Variants in SUCLG2 observed in about 807,000 individuals in gnomAD.
SUCLG2 encodes succinate-CoA ligase GDP-forming subunit beta, also known as succinate--CoA ligase [GDP-forming] subunit beta, mitochondrial.
A neutral mutation model predicts 47.9 loss-of-function variants in SUCLG2; 42 were observed. That is an observed-to-expected ratio of 0.88 (90% CI 0.69 to 1.14). The LOEUF is 1.14. SUCLG2 is among the 50% of genes most tolerant of loss of function. The pLI is 0.00. For missense variants in SUCLG2, 571 were observed against 525.9 expected (o/e 1.09, Z -0.84); for synonymous variants, 195 against 197.3 (o/e 0.99, Z 0.10).
chr3:67,390,320 TA>T (rs1702352803), intron 10 of SUCLG2, among the ~76,000 whole-genome samples: 1 of 152,186 alleles, frequency 6.6e-6, no homozygotes, highest in Admixed American at 6.5e-5. Context: ...CACAATGTAT[TA>T]AAAATATCCT....
chr3:67,471,827 T>C (rs1248364078), intron 9 of SUCLG2, among the ~76,000 whole-genome samples: 3 of 152,166 alleles, frequency 2.0e-5, no homozygotes, highest in Non-Finnish European at 2.9e-5. Context: ...TATGCTTTCA[T>C]GGAGCAAACC....
chr3:67,534,800 ATGCC>A (rs1706497491), intron 2 of SUCLG2, among the ~76,000 whole-genome samples: 1 of 138,370 alleles, frequency 7.2e-6, no homozygotes, highest in Non-Finnish European at 1.5e-5. Context: ...AAAAAAAAAA[ATGCC>A]CATGTGACAT....
rs373409959 is a variant in SUCLG2, at chr3:67,609,532, G to C, written c.149C>G (p.Ser50Cys). Residue 50 changes from serine to cysteine, a missense_variant, in exon 2 of 11, where the codon TCT becomes TGT. Ser to Cys is a moderately radical substitution (Grantham distance 112, BLOSUM62 -1). Transcript: ENST00000307227. ...LQEYQSKKLM[S>C]DNGVRVQRFF... The stretch of plus-strand genomic sequence containing the variant: ...TCTTTGAACTCTCACTCCGTTGTCA[G>C]ACATCAGTTTCTTGCTCTGGTATTC... 1 of 1,613,796 alleles carries C rather than the reference G, an allele frequency of 6.2e-7. No individual in the cohort carries two copies. The highest frequency in any genetic ancestry group is 1.3e-5 in the African/African-American group (1 of 74,906).
Position 67,628,357 on chromosome 3 carries a change from G to A in SUCLG2, c.85-18761C>T, listed in dbSNP as rs535981185. Among the ~76,000 whole-genome samples the A allele has an allele frequency of 4.6e-5, 7 of 152,320 alleles. No homozygotes were observed. In the South Asian group the frequency reaches 1.2e-3, roughly 27 times the overall value. On this transcript the variant is annotated intron_variant, in intron 1 of 10. Coordinates refer to ENST00000307227, the MANE Select transcript of SUCLG2 (RefSeq NM_003848.4). ...GTATGAATGTATAAGATGGTCAAAG[G>A]TAGATTTACCCCTATATGCAATTGT...
intron 9 of SUCLG2, among the ~76,000 whole-genome samples, chr3:67,421,898 G>A (rs1703167525): frequency 6.6e-6 from 1 of 152,168 alleles, no homozygotes. Flanking sequence ...GCTTTTTAAA[G>A]TCTATTTCGG....
chr3:67,528,746 G>C (rs759688897), intron 3 of SUCLG2, among the ~76,000 whole-genome samples: 4 of 152,172 alleles, frequency 2.6e-5, no homozygotes, highest in Admixed American at 6.5e-5. Context: ...GATGCCACTG[G>C]TAATGGGGAG....
At chr3:67,392,653 C>A (rs1233873025) in intron 10 of SUCLG2, among the ~76,000 whole-genome samples, 1 of 152,040 alleles carries the variant, frequency 6.6e-6, no homozygotes, top group Admixed American at 6.6e-5. Flanking sequence ...GAGGGGTGCT[C>A]CTTAAGGTAA....
At chr3:67,560,847 A>G (rs2634741) in intron 2 of SUCLG2, among the ~76,000 whole-genome samples, 119,177 of 151,208 alleles carry the variant, frequency 0.79, 47,548 homozygotes, top group African/African-American at 0.9. Flanking sequence ...CAAGACGTGG[A>G]AGTTTCTGCC....
At chr3:67,622,857 G>A (rs1700758379) in intron 1 of SUCLG2, among the ~76,000 whole-genome samples, 1 of 152,178 alleles carries the variant, frequency 6.6e-6, no homozygotes, top group Non-Finnish European at 1.5e-5. Flanking sequence ...CCAGCATTAA[G>A]CACCCATCCC....
At chr3:67,464,953 C>T (rs947598344) in intron 9 of SUCLG2, among the ~76,000 whole-genome samples, 11 of 152,062 alleles carry the variant, frequency 7.2e-5, no homozygotes, top group South Asian at 4.1e-4. Flanking sequence ...GCTGCCAGGA[C>T]GAATCGGAAG....
chr3:67,379,909 C>T (rs1702115357), intron 10 of SUCLG2, among the ~76,000 whole-genome samples: 1 of 152,214 alleles, frequency 6.6e-6, no homozygotes, highest in African/African-American at 2.4e-5. Context: ...GGATGACTTA[C>T]TGATGCTTCC....
intron 2 of SUCLG2, among the ~76,000 whole-genome samples, chr3:67,548,129 T>C (rs1706915651): frequency 6.6e-6 from 1 of 151,414 alleles, no homozygotes; most frequent in South Asian, 2.1e-4. Flanking sequence ...TCACTATTTC[T>C]ATTTAGCAAA....
At chr3:67,606,301 G>A (rs1346170191) in intron 2 of SUCLG2, among the ~76,000 whole-genome samples, 2 of 152,140 alleles carry the variant, frequency 1.3e-5, no homozygotes, top group Admixed American at 6.5e-5. Context: ...CCATAACTAA[G>A]AAGTCAATTA....
chr3:67,584,163 T>C (rs1056238654), intron 2 of SUCLG2, among the ~76,000 whole-genome samples: 3 of 152,170 alleles, frequency 2.0e-5, no homozygotes, highest in African/African-American at 7.2e-5. Context: ...TATCTACCAA[T>C]TGGTAAATGG....
At chr3:67,515,982 C>T (rs1398790848) in intron 6 of SUCLG2, among the ~76,000 whole-genome samples, 2 of 152,148 alleles carry the variant, frequency 1.3e-5, no homozygotes, top group Admixed American at 6.5e-5. Context: ...CTCTCCTTCA[C>T]ATTCCTTTAT....
chr3:67,408,978 G>A lies in SUCLG2; in HGVS notation c.1063-8127C>T, dbSNP rs770236631. ...GGTCCTATTTCCAAGCTTCAAGAAC[G>A]TGCTTCTGAGTCCTGTATTCTGGTG... On this transcript the variant is annotated intron_variant, in intron 9 of 10. Transcript: ENST00000307227. The A allele has an allele frequency of 5.7e-5, 87 of 1,535,206 alleles. 1 individual carries two copies. The highest frequency in any genetic ancestry group is 3.2e-4 in the East Asian group (13 of 40,892).
intron 2 of SUCLG2, among the ~76,000 whole-genome samples, chr3:67,572,482 T>C (rs576972335): frequency 1.3e-4 from 20 of 152,306 alleles, no homozygotes; most frequent in Admixed American, 9.8e-4. Context: ...AACATTAAAA[T>C]ATCAGTGTTC....
chr3:67,376,094 T>C (rs1222769787), intron 10 of SUCLG2: 2 of 985,338 alleles, frequency 2.0e-6, no homozygotes, highest in Admixed American at 1.2e-4. Context: ...AATGAACATA[T>C]TTTACTGATG....
intron 2 of SUCLG2, among the ~76,000 whole-genome samples, chr3:67,588,320 G>T (rs1469514946): frequency 6.6e-6 from 1 of 152,146 alleles, no homozygotes; most frequent in Non-Finnish European, 1.5e-5. Context: ...CTCCTAAATT[G>T]AGGTACTCTA....
Sources: gnomAD v4.1 joint callset for allele counts (sites outside exome capture counted in the v4.1 genomes callset) on GRCh38, gnomAD v4.1.1 for gene constraint, MANE v1.5 for transcripts, NCBI Gene and HGNC (gene_info 2026-07-23, HGNC 2026-07-21) for gene names.